The following PLA2G6 variants were observed in gnomAD, a reference collection of about 807,000 sequenced individuals.
PLA2G6 encodes 85/88 kDa calcium-independent phospholipase A2.
Under a neutral mutation model 83.8 loss-of-function variants are expected in PLA2G6, and 62 were observed. The observed-to-expected ratio is 0.74, with a 90% confidence interval of 0.60 to 0.91. PLA2G6 has a LOEUF of 0.91. Among genes scored for constraint, PLA2G6 ranks in the 40% least tolerant of loss-of-function variants. The pLI is 0.00. For synonymous variants in PLA2G6, 417 were observed against 449.8 expected (o/e 0.93, Z 0.92); for missense variants, 944 against 1,102.0 (o/e 0.86, Z 2.03).
chr22:38,149,826 T>G (rs2089470573), intron 2 of PLA2G6: 1 of 151,896 alleles, frequency 6.6e-6, no homozygotes, highest in South Asian at 2.1e-4. Context: ...TCCCAGCTAC[T>G]TGGGAGGCTA....
At chr22:38,178,232 G>A (rs932300180) in intron 1 of PLA2G6, among the ~76,000 whole-genome samples, 3 of 152,074 alleles carry the variant, frequency 2.0e-5, no homozygotes, top group Admixed American at 6.6e-5. Flanking sequence ...TTACTGAGAT[G>A]GATTGTGGCA....
At chr22:38,158,344 T>C (rs2089875472) in intron 2 of PLA2G6, among the ~76,000 whole-genome samples, 1 of 152,022 alleles carries the variant, frequency 6.6e-6, no homozygotes, top group South Asian at 2.1e-4. Flanking sequence ...TAATGTTTTG[T>C]ATTTTTAGTA....
intron 4 of PLA2G6, chr22:38,142,731 C>G: frequency 2.8e-6 from 1 of 353,550 alleles, no homozygotes; most frequent in South Asian, 2.4e-5. Context: ...ATTGGACAAG[C>G]TTGCAAAAGG....
intron 2 of PLA2G6, among the ~76,000 whole-genome samples, chr22:38,151,111 C>T (rs969205889): frequency 1.3e-5 from 2 of 151,982 alleles, no homozygotes; most frequent in African/African-American, 2.4e-5. Flanking sequence ...ACTTAGCACA[C>T]AAAACAAAAT....
At chr22:38,126,766 G>T (rs1263192734) in intron 9 of PLA2G6, 2 of 412,088 alleles carry the variant, frequency 4.9e-6, no homozygotes, top group Middle Eastern at 7.5e-4. Context: ...GAATACCCTT[G>T]CGTGTCCTCT....
At chr22:38,143,870 G>A (rs904589121) in intron 3 of PLA2G6, 4 of 203,818 alleles carry the variant, frequency 2.0e-5, no homozygotes, top group Non-Finnish European at 4.1e-5. Context: ...AGCCTCCCGA[G>A]TAGCTGGGAT....
At position 38,171,823 on chromosome 22, in the gene PLA2G6, G is replaced by GA. The variant is rs133004; in HGVS notation, c.-45-2353dup. 7.7e-3 allele frequency among the ~76,000 whole-genome samples: 942 copies of GA among 122,372 alleles called. 12 individuals are homozygous for GA. The highest frequency in any genetic ancestry group is 0.019 in the African/African-American group (638 of 33,378). The allele number at this position is 122,372 out of a possible 152,430, so 80.3% of individuals were successfully genotyped here. A position where few individuals can be genotyped will look rare whatever the true frequency, so the allele number is the denominator to read the frequency against. ...GTGACAGAGTGAAGACTCCGTCTCA[G>GA]AAAAAAAAAAAAAAAAATTATAAAG... On this transcript the variant is annotated intron_variant, in intron 1 of 16. Transcript: ENST00000332509.
intron 1 of PLA2G6, among the ~76,000 whole-genome samples, chr22:38,179,243 G>A (rs575702547): frequency 1.3e-5 from 2 of 152,346 alleles, no homozygotes; most frequent in South Asian, 2.1e-4. Flanking sequence ...AGAGGCAACA[G>A]GGGGCCAGGC....
chr22:38,145,786 C>T (rs1156523577), intron 2 of PLA2G6, 133 bp from the exon 3 acceptor site: 2 of 159,952 alleles, frequency 1.3e-5, no homozygotes, highest in South Asian at 1.6e-4. Flanking sequence ...CCCAAGCAAA[C>T]ACACACACAC....
chr22:38,161,778 C>T (rs75357384), intron 2 of PLA2G6, among the ~76,000 whole-genome samples: 2,616 of 151,816 alleles, frequency 0.017, 74 homozygotes, highest in African/African-American at 0.059. Context: ...TGAGAGTAAG[C>T]GTGGAGGGGA....
At chr22:38,138,949 T>C (rs5750544) in intron 5 of PLA2G6, 85,107 of 151,970 alleles carry the variant, frequency 0.56, 24,380 homozygotes, top group African/African-American at 0.66. Context: ...GGATTACAGG[T>C]GTGAGCCACC....
At chr22:38,140,275 A>G in intron 4 of PLA2G6, 106 bp from the exon 5 acceptor site, 1 of 987,414 alleles carries the variant, frequency 1.0e-6, no homozygotes, top group African/African-American at 1.6e-5. Context: ...TGGGAGGCCA[A>G]GGTGGGTGGA....
At position 38,112,461 on chromosome 22, in the gene PLA2G6, C is replaced by G. The variant is rs11570764; in HGVS notation, c.2276+43G>C. The G allele has an allele frequency of 9.9e-4, 1,513 of 1,525,368 alleles. 15 individuals carry two copies. In the African/African-American group the frequency reaches 0.017, roughly 17 times the overall value. The allele number at this position is 1,525,368 out of a possible 1,614,324, so 94.5% of individuals were successfully genotyped here. A position where few individuals can be genotyped will look rare whatever the true frequency, so the allele number is the denominator to read the frequency against. On this transcript the variant is annotated intron_variant, in intron 16 of 16. Transcript: ENST00000332509. ...AGGGGAAGGTCGGTGAGTCCGACCA[C>G]GCCAGGGCACGGGGCCAAGGGCTGG...
intron 13 of PLA2G6, 100 bp from the exon 14 acceptor site, chr22:38,115,781 G>A (rs1023196935): frequency 4.5e-5 from 68 of 1,496,178 alleles, no homozygotes; most frequent in Non-Finnish European, 5.1e-5. Context: ...CTGGGGGTGC[G>A]GGAAGAGGGG....
intron 3 of PLA2G6, chr22:38,144,639 A>C (rs2089133505): frequency 7.0e-6 from 1 of 143,304 alleles, no homozygotes; most frequent in Non-Finnish European, 1.5e-5. Context: ...TCTCAAAAAA[A>C]AAAAAAAAAA....
In PLA2G6 at chr22:38,128,242, A is replaced by G. The variant is rs771385167; in HGVS notation, c.1348+27T>C. 5 of 1,610,446 alleles carry G rather than the reference A, an allele frequency of 3.1e-6. No individual in the cohort carries two copies. In the South Asian group the frequency reaches 5.5e-5, roughly 18 times the overall value. ...CCAGGGGCCTGGGAACCAGCTGGAGAAGAGGGAGTCGGGAGGCGAGGCCTA... is the reference window on the plus strand; with the variant it reads ...CCAGGGGCCTGGGAACCAGCTGGAGGAGAGGGAGTCGGGAGGCGAGGCCTA... On this transcript the variant is annotated intron_variant, in intron 9 of 16. Coordinates refer to ENST00000332509, the MANE Select transcript of PLA2G6 (RefSeq NM_003560.4). This position sits in a 1 kb window ranked among gnomAD's most constrained non-coding sequence, Gnocchi z 4.4.
Position 38,139,989 on chromosome 22 carries a change from G to T in PLA2G6, c.790C>A (p.Gln264Lys). Residue 264 changes from glutamine (Q) to lysine (K), a missense_variant, in exon 5 of 17, where the codon CAG becomes AAG. Transcript: ENST00000332509. Reference protein sequence around the residue: ...YPIHSAMKFSQKGCAEMIISM... With the variant: ...YPIHSAMKFSKKGCAEMIISM... The stretch of plus-strand genomic sequence containing the variant: ...GAGGGGAGGAGGTCTTACCCCTTCT[G>T]AGAGAACTTCATGGCCGAGTGGATG... 1 of 1,593,776 alleles carries T rather than the reference G, an allele frequency of 6.3e-7. No individual in the cohort carries two copies. The highest frequency in any genetic ancestry group is 8.6e-7 in the Non-Finnish European group (1 of 1,168,850).
At position 38,133,004 on chromosome 22, in the gene PLA2G6, T is replaced by C. The variant is rs1326346446; in HGVS notation, c.904A>G (p.Met302Val). The change falls in exon 7 of 17, where the codon ATG (methionine) becomes GTG (valine). Residue 302 changes from methionine to valine, a missense_variant. Met to Val is a conservative substitution (Grantham distance 21). Coordinates refer to ENST00000332509, the MANE Select transcript of PLA2G6 (RefSeq NM_003560.4). ...ACGTTGCAGCCCCGTTTCAGCAGCA[T>C]GCGGGCCATCTGCGGGAGACGGTCA... ...HWAKNAEMAR[M>V]LLKRGCNVNS... 7 of 1,564,262 alleles carry C rather than the reference T, an allele frequency of 4.5e-6. No homozygotes were observed. Among genetic ancestry groups the C allele is most frequent in the Non-Finnish European group, 1.7e-6 (2 of 1,155,546 alleles).
chr22:38,168,861 C>A (rs11570609), intron 2 of PLA2G6, among the ~76,000 whole-genome samples: 3,233 of 152,146 alleles, frequency 0.021, 126 homozygotes, highest in African/African-American at 0.074. Flanking sequence ...AAACAAAAAC[C>A]AAAACCAAAA....
Sources: gnomAD v4.1 joint callset for allele counts (sites outside exome capture counted in the v4.1 genomes callset) on GRCh38, gnomAD v4.1.1 for gene constraint, Gnocchi (gnomAD v3.1) non-coding constraint, MANE v1.5 for transcripts, NCBI Gene and HGNC (gene_info 2026-07-23, HGNC 2026-07-21) for gene names.